The following ARHGAP42 variants were observed in gnomAD, a reference collection of about 807,000 sequenced individuals.
ARHGAP42 encodes Rho GTPase activating protein 42, also known as rho GTPase-activating protein 42.
Under a neutral mutation model 125.0 loss-of-function variants are expected in ARHGAP42, and 63 were observed. The observed-to-expected ratio is 0.50, with a 90% CI of 0.41 to 0.62. ARHGAP42 has a LOEUF of 0.62. ARHGAP42 is among the 20% of genes least tolerant of loss of function. The pLI is 0.00. For synonymous variants in ARHGAP42, 339 were observed against 351.0 expected (o/e 0.97, Z 0.38); for missense variants, 766 against 1,024.2 (o/e 0.75, Z 3.44).
At chr11:100,731,260 G>A (rs1419781149) in intron 1 of ARHGAP42, among the ~76,000 whole-genome samples, 3 of 151,990 alleles carry the variant, frequency 2.0e-5, no homozygotes, top group Admixed American at 1.3e-4. Flanking sequence ...CCGGGTTCAA[G>A]GGATTCTCCT....
At chr11:100,728,691 TG>T (rs1343637325) in intron 1 of ARHGAP42, among the ~76,000 whole-genome samples, 2 of 139,302 alleles carry the variant, frequency 1.4e-5, no homozygotes, top group Non-Finnish European at 3.1e-5. Context: ...GTTGAGTAAG[TG>T]AAATTATATG....
At chr11:100,867,971 C>T (rs1865610893) in intron 4 of ARHGAP42, among the ~76,000 whole-genome samples, 1 of 152,176 alleles carries the variant, frequency 6.6e-6, no homozygotes, top group Admixed American at 6.5e-5. Flanking sequence ...AGGCAGAACA[C>T]ATGCAGTATT....
At chr11:100,903,670 C>T (rs1866625290) in intron 4 of ARHGAP42, among the ~76,000 whole-genome samples, 1 of 129,734 alleles carries the variant, frequency 7.7e-6, no homozygotes. Context: ...TCAGGGTTCT[C>T]TTAGAGGGAC....
At position 100,972,862 on chromosome 11, in the gene ARHGAP42, G is replaced by T. The variant is rs147970062; in HGVS notation, c.1551-313G>T. Among the ~76,000 whole-genome samples the T allele has an allele frequency of 4.6e-3, 693 of 152,242 alleles. 2 individuals carry two copies. Among genetic ancestry groups the T allele is most frequent in the African/African-American group, 0.016 (659 of 41,558 alleles). On this transcript the variant is annotated intron_variant, in intron 17 of 23. Transcript: ENST00000298815. ...CTATTCTTAACTGTTTGTTCCAAAAGAAATATAGTAGCATTGAAAATACCA... is the reference window on the plus strand; with the variant it reads ...CTATTCTTAACTGTTTGTTCCAAAATAAATATAGTAGCATTGAAAATACCA...
At chr11:100,855,422 AT>A (rs1452040605) in intron 3 of ARHGAP42, among the ~76,000 whole-genome samples, 10 of 152,094 alleles carry the variant, frequency 6.6e-5, no homozygotes, top group Admixed American at 1.3e-4. Flanking sequence ...TACCTTTCAG[AT>A]TTATTTTATT....
Position 100,759,248 on chromosome 11 carries a change from C to T in ARHGAP42, c.155-11095C>T, listed in dbSNP as rs192203772. On this transcript the variant is annotated intron_variant, in intron 1 of 23. Coordinates refer to ENST00000298815, the MANE Select transcript of ARHGAP42 (RefSeq NM_152432.4). Reference sequence around the variant, plus strand: ...TTCTCTCTGGCTCCTCACATCTCATCGGCTTGATTTGATGTCCATATCTTA... The same window carrying T: ...TTCTCTCTGGCTCCTCACATCTCATTGGCTTGATTTGATGTCCATATCTTA... Among the ~76,000 whole-genome samples, 8 of 152,224 alleles carry T rather than the reference C, an allele frequency of 5.3e-5. No individual in the cohort carries two copies. In the East Asian group the frequency reaches 1.4e-3, roughly 26 times the overall value.
intron 1 of ARHGAP42, among the ~76,000 whole-genome samples, chr11:100,752,807 C>G (rs1862490910): frequency 6.6e-6 from 1 of 152,172 alleles, no homozygotes; most frequent in Admixed American, 6.5e-5. Context: ...TCTGGTTAGC[C>G]AGGGTGGTGC....
chr11:100,814,732 C>T (rs1394642783), intron 3 of ARHGAP42, among the ~76,000 whole-genome samples: 7 of 152,172 alleles, frequency 4.6e-5, no homozygotes, highest in African/African-American at 1.7e-4. Context: ...AACTCTACCA[C>T]AAGAACAGCA....
chr11:100,874,576 G>A (rs1446846801), intron 4 of ARHGAP42, among the ~76,000 whole-genome samples: 1 of 152,092 alleles, frequency 6.6e-6, no homozygotes, highest in Non-Finnish European at 1.5e-5. Flanking sequence ...CAGACTTCTG[G>A]AGCCCCCGTA....
At chr11:100,710,545 T>G (rs145304562) in intron 1 of ARHGAP42, among the ~76,000 whole-genome samples, 18,536 of 128,320 alleles carry the variant, frequency 0.14, 1,583 homozygotes, top group Non-Finnish European at 0.2. Context: ...GCAGTTTTTT[T>G]TTTTTTTTTT....
rs78333223 is a variant in ARHGAP42, at chr11:100,761,907, A to T, written c.155-8436A>T. Among the ~76,000 whole-genome samples, 822 of 152,314 alleles carry T rather than the reference A, an allele frequency of 5.4e-3. 2 individuals carry two copies. Among genetic ancestry groups the T allele is most frequent in the Admixed American group, 7.5e-3 (115 of 15,298 alleles). On this transcript the variant is annotated intron_variant, in intron 1 of 23. Transcript: ENST00000298815. ...TTCATGACAGTCTTGCAGAGGATTAATATCTTCCTTTTGCACATGAGGAGC... is the reference window on the plus strand; with the variant it reads ...TTCATGACAGTCTTGCAGAGGATTATTATCTTCCTTTTGCACATGAGGAGC...
At chr11:100,808,177 T>C (rs904045104) in intron 3 of ARHGAP42, among the ~76,000 whole-genome samples, 6 of 152,168 alleles carry the variant, frequency 3.9e-5, no homozygotes, top group African/African-American at 1.4e-4. Context: ...ATGGGAAATA[T>C]CAGCTGACAG....
intron 5 of ARHGAP42, among the ~76,000 whole-genome samples, chr11:100,920,083 G>A (rs908592954): frequency 1.3e-5 from 2 of 152,158 alleles, no homozygotes; most frequent in African/African-American, 4.8e-5. Context: ...GAATACTGAT[G>A]TTCTTTTTTG....
chr11:100,841,822 C>T (rs1242883821), intron 3 of ARHGAP42, among the ~76,000 whole-genome samples: 1 of 152,172 alleles, frequency 6.6e-6, no homozygotes, highest in Non-Finnish European at 1.5e-5. Context: ...CTCACTGAGG[C>T]TTTGCCTATC....
intron 3 of ARHGAP42, among the ~76,000 whole-genome samples, chr11:100,798,975 GC>G (rs1342679715): frequency 2.6e-5 from 4 of 152,186 alleles, no homozygotes; most frequent in African/African-American, 9.6e-5. Context: ...TTGGACAGAG[GC>G]CCCAAAGTGG....
intron 3 of ARHGAP42, among the ~76,000 whole-genome samples, chr11:100,827,090 G>A (rs190308510): frequency 1.1e-4 from 14 of 131,208 alleles, no homozygotes; most frequent in African/African-American, 3.4e-4. Flanking sequence ...TGCAACTTCC[G>A]CCTCCTAGAA....
chr11:100,833,519 C>T (rs1284814761), intron 3 of ARHGAP42, among the ~76,000 whole-genome samples: 1 of 152,156 alleles, frequency 6.6e-6, no homozygotes, highest in Non-Finnish European at 1.5e-5. Flanking sequence ...GCAGTCATCT[C>T]AAGGCTCATC....
At chr11:100,800,429 T>A (rs1863823218) in intron 3 of ARHGAP42, among the ~76,000 whole-genome samples, 1 of 152,110 alleles carries the variant, frequency 6.6e-6, no homozygotes, top group Non-Finnish European at 1.5e-5. Flanking sequence ...AGGATGTAGC[T>A]GAGCTGGGAG....
intron 8 of ARHGAP42, among the ~76,000 whole-genome samples, chr11:100,936,882 T>C (rs1867751886): frequency 6.6e-6 from 1 of 152,232 alleles, no homozygotes; most frequent in Non-Finnish European, 1.5e-5. Flanking sequence ...CATTCGGACT[T>C]GTATAACTGG....
Sources: allele counts gnomAD v4.1 joint callset (sites outside exome capture counted in the v4.1 genomes callset), GRCh38; gene constraint gnomAD v4.1.1; transcripts MANE v1.5; gene names NCBI Gene and HGNC (gene_info 2026-07-23, HGNC 2026-07-21).